The following SEMA3A variants were observed in gnomAD, a reference collection of about 807,000 sequenced individuals.
The protein encoded by SEMA3A is semaphorin-3A.
SEMA3A carries 29 observed loss-of-function variants against 97.9 expected under a neutral mutation model. The ratio of observed to expected loss-of-function variants is 0.30; its 90% CI spans 0.22 to 0.40. The LOEUF (loss-of-function observed/expected upper bound fraction) is 0.40. SEMA3A is among the 10% of genes least tolerant of loss of function. The probability of loss-of-function intolerance (pLI) is 1.00; values close to 1 mark genes in which losing one functional copy is unlikely to be tolerated. For synonymous variants in SEMA3A, 321 were observed against 323.7 expected (o/e 0.99, Z 0.09); for missense variants, 763 against 951.3 (o/e 0.80, Z 2.60).
At chr7:83,996,513 G>A (rs578158628) in intron 12 of SEMA3A, among the ~76,000 whole-genome samples, 2 of 152,102 alleles carry the variant, frequency 1.3e-5, no homozygotes, top group East Asian at 3.9e-4. Context: ...ATGTTGGTCA[G>A]GCTGGTCTCA....
intron 3 of SEMA3A, among the ~76,000 whole-genome samples, chr7:84,259,395 A>C (rs1448441460): frequency 6.6e-6 from 1 of 152,128 alleles, no homozygotes. Flanking sequence ...TTCTGAGAAC[A>C]GAAATTGGTT....
At chr7:84,361,218 C>T (rs946144433) in intron 2 of SEMA3A, among the ~76,000 whole-genome samples, 3 of 151,896 alleles carry the variant, frequency 2.0e-5, no homozygotes, top group African/African-American at 4.8e-5. Context: ...GATCCAAAGA[C>T]GAGAGAGACA....
intron 15 of SEMA3A, among the ~76,000 whole-genome samples, chr7:83,972,910 T>C (rs1788975484): frequency 1.3e-5 from 2 of 152,130 alleles, no homozygotes; most frequent in African/African-American, 4.8e-5. Flanking sequence ...GATGACTATC[T>C]CCAGTGAAAA....
chr7:84,488,124 A>G (rs563020708), intron 1 of SEMA3A, among the ~76,000 whole-genome samples: 1 of 152,232 alleles, frequency 6.6e-6, no homozygotes, highest in South Asian at 2.1e-4. Flanking sequence ...AATATTAAAA[A>G]TAAAAGATAT....
At chr7:84,444,751 C>T (rs756050155) in intron 1 of SEMA3A, among the ~76,000 whole-genome samples, 15 of 151,192 alleles carry the variant, frequency 9.9e-5, no homozygotes, top group African/African-American at 3.2e-4. Flanking sequence ...TTAGTAGAGA[C>T]GGGGTTCACC....
intron 1 of SEMA3A, among the ~76,000 whole-genome samples, chr7:84,422,192 A>C (rs1306711876): frequency 1.3e-5 from 2 of 151,960 alleles, no homozygotes; most frequent in Non-Finnish European, 2.9e-5. Context: ...CCTCAATTTC[A>C]GAACTTGTTG....
At chr7:84,323,322 T>A (rs904907065) in intron 2 of SEMA3A, among the ~76,000 whole-genome samples, 2 of 152,210 alleles carry the variant, frequency 1.3e-5, no homozygotes, top group African/African-American at 2.4e-5. Flanking sequence ...GTGGTAGGGT[T>A]GCTAAAGTTT....
At chr7:84,017,635 T>C (rs1200227578) in intron 6 of SEMA3A, among the ~76,000 whole-genome samples, 1 of 152,208 alleles carries the variant, frequency 6.6e-6, no homozygotes, top group East Asian at 1.9e-4. Flanking sequence ...GAGCCATTCT[T>C]CTAATGTTTC....
At chr7:84,350,925 A>C (rs1261566830) in intron 2 of SEMA3A, among the ~76,000 whole-genome samples, 1 of 152,130 alleles carries the variant, frequency 6.6e-6, no homozygotes, top group African/African-American at 2.4e-5. Flanking sequence ...TGTGATTGCG[A>C]AGTGTAAAAG....
rs745945243 is a variant in SEMA3A, at chr7:84,165,644, C to T, written c.112+28831G>A. Among the ~76,000 whole-genome samples the T allele has an allele frequency of 9.9e-5, 15 of 152,214 alleles. No homozygotes were observed. The South Asian group carries it at 2.5e-3, about 25-fold the overall frequency. On this transcript the variant is annotated intron_variant, in intron 1 of 16. Coordinates refer to ENST00000265362, the MANE Select transcript of SEMA3A (RefSeq NM_006080.3). The stretch of plus-strand genomic sequence containing the variant: ...CTCAGCTCACTGCAACCTCTGCCTC[C>T]TAGGTACAAGTGAGTCTCCTGACTC...
chr7:84,450,239 T>C (rs557519774), intron 1 of SEMA3A, among the ~76,000 whole-genome samples: 1 of 152,268 alleles, frequency 6.6e-6, no homozygotes, highest in East Asian at 1.9e-4. Context: ...AACACTTCTC[T>C]CTTTCTCTCT....
At chr7:84,076,394 T>C (rs1428972465) in intron 4 of SEMA3A, among the ~76,000 whole-genome samples, 1 of 152,148 alleles carries the variant, frequency 6.6e-6, no homozygotes, top group Non-Finnish European at 1.5e-5. Context: ...AGCTGGTTTG[T>C]AGAAAAACCA....
At chr7:84,080,254 A>G (rs1161723955) in intron 4 of SEMA3A, among the ~76,000 whole-genome samples, 1 of 148,878 alleles carries the variant, frequency 6.7e-6, no homozygotes, top group African/African-American at 2.5e-5. Context: ...CTAATGCTGA[A>G]TGATGAGTTA....
chr7:84,338,449 T>TA (rs1199501758), intron 2 of SEMA3A, among the ~76,000 whole-genome samples: 2 of 152,048 alleles, frequency 1.3e-5, no homozygotes, highest in Non-Finnish European at 2.9e-5. Context: ...GGATAGACAA[T>TA]AAGAGTTGAT....
In SEMA3A at chr7:84,109,414, C is replaced by G. The variant is rs79914524; in HGVS notation, c.453+1056G>C. On this transcript the variant is annotated intron_variant, in intron 4 of 16. Transcript: ENST00000265362. ...AACTGGTGAGATCTTGGGAATGTGT[C>G]TTCCCTGGTTCATCAAGAAGAAAAA... Among the ~76,000 whole-genome samples the G allele has an allele frequency of 5.3e-3, 812 of 152,280 alleles. 6 individuals are homozygous for G. Among genetic ancestry groups the G allele is most frequent in the East Asian group, 0.017 (87 of 5,184 alleles).
intron 3 of SEMA3A, among the ~76,000 whole-genome samples, chr7:84,200,889 G>A (rs1562849266): frequency 6.7e-6 from 1 of 150,214 alleles, no homozygotes; most frequent in Non-Finnish European, 1.5e-5. Flanking sequence ...TGTTAATACT[G>A]ATCAGTACAG....
rs3074757 is a variant in SEMA3A, at chr7:84,102,588, C to CTTTTTTTT, written c.453+7874_453+7881dup. Among the ~76,000 whole-genome samples the CTTTTTTTT allele has an allele frequency of 6.7e-4, 65 of 96,834 alleles. 2 individuals are homozygous for CTTTTTTTT. Among genetic ancestry groups the CTTTTTTTT allele is most frequent in the Non-Finnish European group, 1.0e-3 (54 of 51,864 alleles). The allele number at this position is 96,834 out of a possible 152,430, so 63.5% of individuals were successfully genotyped here. ...TACAGAGAAGGAGATTGCATTATCG[C>CTTTTTTTT]TTTTTTTTTTTTTTTTTTTTTTTAA... On this transcript the variant is annotated intron_variant, in intron 4 of 16. Transcript: ENST00000265362.
rs1794863869 is a variant in SEMA3A at position 84,099,060 on chromosome 7, ATTTTCTTTTTTTTT to A, written c.453+11396_453+11409del. On this transcript the variant is annotated intron_variant, in intron 4 of 16. Coordinates refer to ENST00000265362, the MANE Select transcript of SEMA3A (RefSeq NM_006080.3). ...TAACCAGAGATTAATCAGGAATTAC[ATTTTCTTTTTTTTT>A]CTTTTTTTTTTTTTGAGACGGAGTC... 1.8e-5 allele frequency among the ~76,000 whole-genome samples: 2 copies of A among 108,368 alleles called. 1 individual carries two copies. Among genetic ancestry groups the A allele is most frequent in the Non-Finnish European group, 4.3e-5 (2 of 47,032 alleles). 71.1% of individuals were successfully genotyped at this position (108,368 alleles called of 152,430 possible). A position where few individuals can be genotyped will look rare whatever the true frequency, so the allele number is the denominator to read the frequency against.
intron 3 of SEMA3A, among the ~76,000 whole-genome samples, chr7:84,218,487 T>A (rs898357008): frequency 6.6e-6 from 1 of 152,112 alleles, no homozygotes. Context: ...GAAAATTATG[T>A]ATAAAAGACA....
Sources: gnomAD v4.1 joint callset for allele counts (sites outside exome capture counted in the v4.1 genomes callset) on GRCh38, gnomAD v4.1.1 for gene constraint, MANE v1.5 for transcripts, NCBI Gene and HGNC (gene_info 2026-07-23, HGNC 2026-07-21) for gene names.